Variants in ADAM18 observed in about 807,000 individuals in gnomAD.
The protein encoded by ADAM18 is disintegrin and metalloproteinase domain-containing protein 18.
Under a neutral mutation model 94.4 loss-of-function variants are expected in ADAM18, and 117 were observed. The observed-to-expected ratio is 1.24, with a 90% CI of 1.07 to 1.45. ADAM18 has a LOEUF of 1.45. ADAM18 is among the 40% of genes most tolerant of loss of function. The pLI, the probability that ADAM18 is intolerant of heterozygous loss-of-function variation, is 0.00. For synonymous variants in ADAM18, 327 were observed against 291.6 expected, an observed-to-expected ratio of 1.12 and a Z score of -1.24; for missense variants, 936 against 880.0, an observed-to-expected ratio of 1.06 and a Z score of -0.81.
chr8:39,614,425 G>A (rs1054340825), intron 6 of ADAM18, among the ~76,000 whole-genome samples: 2 of 152,278 alleles, frequency 1.3e-5, no homozygotes, highest in South Asian at 4.1e-4. Flanking sequence ...CAAATGCAGA[G>A]AGAATTTGTT....
In ADAM18 at chr8:39,664,682, T is replaced by A. The variant is rs80257189; in HGVS notation, c.1326+792T>A. On this transcript the variant is annotated intron_variant, in intron 13 of 19. Coordinates refer to ENST00000265707, the MANE Select transcript of ADAM18 (RefSeq NM_014237.3). ...GCAGCATATAGAATGTGTAAAGAAC[T>A]CTCATTGATAACTGAAATGCAAATC... Among the ~76,000 whole-genome samples, 441 of 152,186 alleles carry A rather than the reference T, an allele frequency of 2.9e-3. 6 individuals are homozygous for A. Among genetic ancestry groups the A allele is most frequent in the African/African-American group, 0.01 (427 of 41,542 alleles).
intron 2 of ADAM18, among the ~76,000 whole-genome samples, chr8:39,586,786 ATCTATCTATCTATCTATATC>A (rs763910864): frequency 8.0e-5 from 11 of 137,836 alleles, no homozygotes; most frequent in Non-Finnish European, 1.5e-4. Context: ...CTATCTATCT[ATCTATCTATCTATCTATATC>A]TATCTATCTA....
chr8:39,662,300 A>G (rs1431532507), intron 12 of ADAM18, among the ~76,000 whole-genome samples: 1 of 152,198 alleles, frequency 6.6e-6, no homozygotes, highest in Non-Finnish European at 1.5e-5. Context: ...GTTAAACAGT[A>G]AATTATACAA....
intron 10 of ADAM18, among the ~76,000 whole-genome samples, chr8:39,641,437 G>A (rs542563483): frequency 1.3e-5 from 2 of 152,016 alleles, no homozygotes; most frequent in South Asian, 4.2e-4. Context: ...TCAACATCCA[G>A]GTATTAAGCC....
At position 39,706,891 on chromosome 8, in the gene ADAM18, T is replaced by G; in HGVS notation, c.2004T>G (p.Asn668Lys). ...CAGGGGGTAGTATTGATGATGGAAA[T>G]TTTCAGAAATCTGGTAAGTGGAAAT... is the stretch of plus-strand genomic sequence containing the variant. Reference protein sequence around the residue: ...GSPGGSIDDGNFQKSGDFYTE... With the variant: ...GSPGGSIDDGKFQKSGDFYTE... Residue 668 changes from asparagine (N) to lysine (K), a missense_variant, in exon 18 of 20, where the codon AAT (asparagine) becomes AAG (lysine). Physicochemically the swap from Asn to Lys is moderately conservative, Grantham distance 94. Transcript: ENST00000265707. The G allele has an allele frequency of 2.5e-6, 4 of 1,585,046 alleles. No individual in the cohort carries two copies. The highest frequency in any genetic ancestry group is 3.4e-6 in the Non-Finnish European group (4 of 1,159,488).
chr8:39,643,245 C>A (rs117486803), intron 10 of ADAM18, among the ~76,000 whole-genome samples: 5 of 152,036 alleles, frequency 3.3e-5, no homozygotes, highest in Non-Finnish European at 5.9e-5. Flanking sequence ...AGTTTGACTT[C>A]TTCTTTGGAT....
chr8:39,653,054 A>T (rs1820580687), intron 12 of ADAM18, among the ~76,000 whole-genome samples: 1 of 152,146 alleles, frequency 6.6e-6, no homozygotes, highest in Non-Finnish European at 1.5e-5. Context: ...TGGTCAAAGG[A>T]TACAGAATTT....
At chr8:39,597,235 T>C (rs952261545) in intron 2 of ADAM18, among the ~76,000 whole-genome samples, 2 of 152,162 alleles carry the variant, frequency 1.3e-5, no homozygotes, top group South Asian at 4.1e-4. Context: ...TATCTCTTCA[T>C]ATACTTGACA....
At chr8:39,620,646 A>G (rs1324862042) in intron 6 of ADAM18, among the ~76,000 whole-genome samples, 1 of 147,372 alleles carries the variant, frequency 6.8e-6, no homozygotes, top group Non-Finnish European at 1.5e-5. Context: ...ATATTTATAT[A>G]TTGTTATATA....
intron 6 of ADAM18, among the ~76,000 whole-genome samples, chr8:39,619,380 CT>C (rs1172829079): frequency 6.6e-6 from 1 of 152,252 alleles, no homozygotes; most frequent in Non-Finnish European, 1.5e-5. Flanking sequence ...TTTTCAACTG[CT>C]TATGGAGCAT....
intron 13 of ADAM18, among the ~76,000 whole-genome samples, chr8:39,666,354 T>C (rs1820993028): frequency 6.6e-6 from 1 of 152,140 alleles, no homozygotes; most frequent in Non-Finnish European, 1.5e-5. Flanking sequence ...AGTTATTTTT[T>C]GTCTAGGAAA....
chr8:39,724,956 T>TA (rs397937171), intron 19 of ADAM18, among the ~76,000 whole-genome samples: 79 of 151,754 alleles, frequency 5.2e-4, no homozygotes, highest in Admixed American at 1.2e-3. Context: ...TAAAATTTTT[T>TA]AAATTTTTTG....
At chr8:39,588,362 T>C (rs1818470355) in intron 2 of ADAM18, among the ~76,000 whole-genome samples, 1 of 152,200 alleles carries the variant, frequency 6.6e-6, no homozygotes, top group African/African-American at 2.4e-5. Context: ...CATTTGTATG[T>C]TTTCTTTGGA....
intron 17 of ADAM18, among the ~76,000 whole-genome samples, chr8:39,705,138 G>A (rs1305064895): frequency 6.6e-6 from 1 of 152,104 alleles, no homozygotes. Flanking sequence ...TATCAGGGAA[G>A]AGTCTGATGC....
intron 17 of ADAM18, among the ~76,000 whole-genome samples, chr8:39,705,002 T>C (rs1487097835): frequency 6.6e-6 from 1 of 152,134 alleles, no homozygotes; most frequent in African/African-American, 2.4e-5. Flanking sequence ...TTCAGAGATA[T>C]TGATATCAAA....
chr8:39,676,579 CCCT>C (rs1585970355), intron 14 of ADAM18, among the ~76,000 whole-genome samples: 2 of 132,210 alleles, frequency 1.5e-5, no homozygotes, highest in East Asian at 4.7e-4. Flanking sequence ...AAAGGGAAAT[CCCT>C]CGACTCCTTG....
intron 10 of ADAM18, among the ~76,000 whole-genome samples, chr8:39,641,606 G>T (rs186983851): frequency 2.6e-5 from 4 of 152,006 alleles, no homozygotes; most frequent in Non-Finnish European, 4.4e-5. Context: ...TCATCATTTA[G>T]CTCCCACTTA....
intron 9 of ADAM18, among the ~76,000 whole-genome samples, chr8:39,638,049 T>C (rs1371212092): frequency 6.6e-6 from 1 of 151,942 alleles, no homozygotes; most frequent in African/African-American, 2.4e-5. Context: ...TTAATACATT[T>C]CATGTCTACT....
At chr8:39,720,770 C>T (rs2129581759) in intron 18 of ADAM18, among the ~76,000 whole-genome samples, 1 of 151,376 alleles carries the variant, frequency 6.6e-6, no homozygotes, top group South Asian at 2.1e-4. Context: ...CACTCATTTA[C>T]TACTAATAGG....
Sources: gnomAD v4.1 joint callset for allele counts (sites outside exome capture counted in the v4.1 genomes callset) on GRCh38, gnomAD v4.1.1 for gene constraint, MANE v1.5 for transcripts, NCBI Gene and HGNC (gene_info 2026-07-23, HGNC 2026-07-21) for gene names.